N4BP2: variants seen among roughly 807,000 people sequenced by gnomAD.
The protein encoded by N4BP2 is NEDD4-binding protein 2.
Under a neutral mutation model 152.8 loss-of-function variants are expected in N4BP2, and 91 were observed. The ratio of observed to expected loss-of-function variants is 0.60; its 90% CI spans 0.50 to 0.71. N4BP2 has a LOEUF of 0.71. Among genes scored for constraint, N4BP2 ranks in the 30% least tolerant of loss-of-function variants. The probability of loss-of-function intolerance (pLI) is 0.00; values close to 1 mark genes in which losing one functional copy is unlikely to be tolerated. For synonymous variants in N4BP2, 646 were observed against 705.3 expected (o/e 0.92, Z 1.33); for missense variants, 1,923 against 2,059.1 (o/e 0.93, Z 1.28).
chr4:40,113,396 C>A, intron 6 of N4BP2, 36 bp from the exon 7 acceptor site: 4 of 1,359,482 alleles, frequency 2.9e-6, no homozygotes, highest in Non-Finnish European at 4.2e-6. Flanking sequence ...CTTGGAAATA[C>A]CTATTTTAAA....
intron 3 of N4BP2, among the ~76,000 whole-genome samples, chr4:40,101,491 G>A (rs189942092): frequency 1.7e-3 from 258 of 152,294 alleles, no homozygotes; most frequent in African/African-American, 5.8e-3. Context: ...TTATATTACA[G>A]TGTAATTGTC....
At chr4:40,107,412 T>C (rs2109972329) in intron 5 of N4BP2, among the ~76,000 whole-genome samples, 1 of 150,192 alleles carries the variant, frequency 6.7e-6, no homozygotes, top group South Asian at 2.1e-4. Flanking sequence ...CGAGATGGAG[T>C]CTCACTTTGC....
chr4:40,061,458 G>T (rs939355967), intron 1 of N4BP2, among the ~76,000 whole-genome samples: 21 of 150,542 alleles, frequency 1.4e-4, no homozygotes, highest in African/African-American at 4.9e-4. Context: ...TCCGCCTCCT[G>T]GGTTCAAGTG....
chr4:40,096,740 A>G (rs1386838512), intron 2 of N4BP2, among the ~76,000 whole-genome samples: 5 of 152,308 alleles, frequency 3.3e-5, no homozygotes, highest in Admixed American at 1.3e-4. Flanking sequence ...TGAGAGTCGC[A>G]CTGACAAAAT....
At chr4:40,136,385 T>TCTAC (rs1719393103) in intron 13 of N4BP2, among the ~76,000 whole-genome samples, 3 of 151,702 alleles carry the variant, frequency 2.0e-5, no homozygotes, top group African/African-American at 7.3e-5. Context: ...TATCTATCTA[T>TCTAC]CTATCTATCT....
Position 40,138,846 on chromosome 4 carries a change from G to A in N4BP2, c.4785+1764G>A, listed in dbSNP as rs538894054. On this transcript the variant is annotated intron_variant, in intron 14 of 17. Coordinates refer to ENST00000261435, the MANE Select transcript of N4BP2 (RefSeq NM_018177.6). ...GCTTTGTAGTAAGTTTTGAAATTGG[G>A]AAGTGTGAGTTTTCCAACTATGTTC... is the stretch of plus-strand genomic sequence containing the variant. 2.3e-4 allele frequency among the ~76,000 whole-genome samples: 35 copies of A among 152,280 alleles called. No individual in the cohort carries two copies. The South Asian group carries it at 6.4e-3, about 28-fold the overall frequency.
chr4:40,094,817 G>A (rs1714958479), intron 2 of N4BP2, among the ~76,000 whole-genome samples: 2 of 151,872 alleles, frequency 1.3e-5, no homozygotes, highest in South Asian at 4.2e-4. Flanking sequence ...CTCCCAAAAC[G>A]CTGGGATTAC....
intron 1 of N4BP2, among the ~76,000 whole-genome samples, chr4:40,065,129 T>A (rs898069502): frequency 6.6e-6 from 1 of 152,122 alleles, no homozygotes; most frequent in African/African-American, 2.4e-5. Flanking sequence ...ATGGGCTACC[T>A]TGTGTGGGAA....
Position 40,097,313 on chromosome 4 carries a change from G to A in N4BP2, c.-28G>A. On this transcript the variant is annotated 5_prime_UTR_variant, in exon 3 of 18. Transcript: ENST00000261435. ...ATGTCAAACATCTTAACTAAGAAAA[G>A]GGAAACATTTTAGTTTTGGAAGTCA... The A allele has an allele frequency of 1.3e-6, 2 of 1,581,104 alleles. No homozygotes were observed. Among genetic ancestry groups the A allele is most frequent in the Non-Finnish European group, 1.7e-6 (2 of 1,151,088 alleles).
chr4:40,081,629 G>A (rs576223749), intron 2 of N4BP2, among the ~76,000 whole-genome samples: 1 of 151,842 alleles, frequency 6.6e-6, no homozygotes, highest in South Asian at 2.1e-4. Context: ...CTGGGTGACA[G>A]TGTGAGACTG....
At chr4:40,177,524 G>A in the N4BP2 span, among the ~76,000 whole-genome samples, 122 of 152,204 alleles carry the variant, frequency 8.0e-4, no homozygotes, top group African/African-American at 2.8e-3. Context: ...GCTGAGGCAG[G>A]AGAATTGCTT....
chr4:40,147,532 G>T (rs1244084165), intron 16 of N4BP2, among the ~76,000 whole-genome samples: 1 of 150,538 alleles, frequency 6.6e-6, no homozygotes, highest in African/African-American at 2.4e-5. Context: ...GCGGCTGGCC[G>T]GGCAGAGGCG....
intron 12 of N4BP2, among the ~76,000 whole-genome samples, chr4:40,129,280 G>A (rs1718702928): frequency 6.6e-6 from 1 of 151,678 alleles, no homozygotes; most frequent in African/African-American, 2.4e-5. Flanking sequence ...AGGCTGGAGT[G>A]CAGTGGCACA....
At chr4:40,067,250 A>G (rs535411062) in intron 1 of N4BP2, among the ~76,000 whole-genome samples, 58 of 151,692 alleles carry the variant, frequency 3.8e-4, no homozygotes, top group Non-Finnish European at 7.8e-4. Context: ...AGGTTTTGCC[A>G]TGTTGCCCGG....
chr4:40,059,453 C>A (rs1200915724), intron 1 of N4BP2, among the ~76,000 whole-genome samples: 4 of 151,856 alleles, frequency 2.6e-5, no homozygotes, highest in Non-Finnish European at 5.9e-5. Flanking sequence ...AGTGCAGTGG[C>A]GCTATCTTGT....
intron 2 of N4BP2, among the ~76,000 whole-genome samples, chr4:40,076,949 G>T (rs150333192): frequency 6.6e-6 from 1 of 152,264 alleles, no homozygotes; most frequent in South Asian, 2.1e-4. Context: ...TTCTGAGGAA[G>T]TTGTTTGCTG....
the N4BP2 span, among the ~76,000 whole-genome samples, chr4:40,185,248 T>C: frequency 5.3e-5 from 8 of 152,218 alleles, no homozygotes; most frequent in Non-Finnish European, 8.8e-5. Flanking sequence ...TGTAAGTTGC[T>C]TAACCTTTCT....
Position 40,102,821 on chromosome 4 carries a change from T to C in N4BP2, c.976T>C (p.Phe326Leu), listed in dbSNP as rs1715822161. ...GTTTCTACCTTCCGAAGGGTTCAAC[T>C]TCAAGCCACACAAACATCCTGAACT... ...DVFLPSEGFN[F>L]KPHKHPELPT... The change falls in exon 4 of 18, where the codon TTC becomes CTC. Residue 326 changes from phenylalanine to leucine, a missense_variant. Phe to Leu is a conservative substitution (Grantham distance 22, BLOSUM62 0). Coordinates refer to ENST00000261435, the MANE Select transcript of N4BP2 (RefSeq NM_018177.6). 2 of 1,614,126 alleles carry C rather than the reference T, an allele frequency of 1.2e-6. No individual in the cohort carries two copies. Among genetic ancestry groups the C allele is most frequent in the Non-Finnish European group, 8.5e-7 (1 of 1,180,020 alleles).
Position 40,122,184 on chromosome 4 carries a change from C to T in N4BP2, c.4073C>T (p.Thr1358Ile). 3 of 1,613,744 alleles carry T rather than the reference C, an allele frequency of 1.9e-6. No homozygotes were observed. Among genetic ancestry groups the T allele is most frequent in the Non-Finnish European group, 2.5e-6 (3 of 1,179,764 alleles). Residue 1358 changes from threonine to isoleucine, a missense_variant, in exon 9 of 18, where the codon ACC becomes ATC. Thr to Ile is a moderately conservative substitution (Grantham distance 89). Transcript: ENST00000261435. ...LSAGVSGEDK[T>I]EILNPTPAMA... ...GCTGGAGTTAGTGGGGAAGATAAAACCGAGATATTGAATCCCACTCCAGCG... is the reference window on the plus strand; with the variant it reads ...GCTGGAGTTAGTGGGGAAGATAAAATCGAGATATTGAATCCCACTCCAGCG...
Sources: gnomAD v4.1 joint callset for allele counts (sites outside exome capture counted in the v4.1 genomes callset) on GRCh38, gnomAD v4.1.1 for gene constraint, MANE v1.5 for transcripts, NCBI Gene and HGNC (gene_info 2026-07-23, HGNC 2026-07-21) for gene names.